SUGCT: variants seen among roughly 807,000 people sequenced by gnomAD.
SUGCT encodes succinyl-CoA:glutarate CoA-transferase.
In SUGCT, 41 loss-of-function variants were observed where a neutral mutation model predicts 55.0. The observed-to-expected ratio is 0.74, with a 90% confidence interval of 0.58 to 0.97. The LOEUF is 0.97. Among genes scored for constraint, SUGCT ranks in the 50% least tolerant of loss-of-function variants. SUGCT has a pLI of 0.00. For missense variants in SUGCT, 568 were observed against 547.8 expected, an observed-to-expected ratio of 1.04 and a Z score of -0.37; for synonymous variants, 187 against 200.4, an observed-to-expected ratio of 0.93 and a Z score of 0.56.
intron 13 of SUGCT, among the ~76,000 whole-genome samples, chr7:40,826,416 G>T (rs1792314311): frequency 1.3e-5 from 2 of 152,138 alleles, no homozygotes; most frequent in African/African-American, 4.8e-5. Context: ...GGTAACTAGG[G>T]AATATCCACA....
intron 12 of SUGCT, among the ~76,000 whole-genome samples, chr7:40,512,682 CTGGAAAATG>C (rs988188408): frequency 5.0e-4 from 76 of 151,652 alleles, no homozygotes; most frequent in Middle Eastern, 3.4e-3. Flanking sequence ...AAGATGTTTG[CTGGAAAATG>C]TGGAAAATGT....
At position 40,526,278 on chromosome 7, in the gene SUGCT, A is replaced by G. The variant is rs560313589; in HGVS notation, c.1089+29892A>G. ...TTGACTTGGTATATATAGGGTTGCC[A>G]TAAGGATTAAGTAGGAGAATATAAG... On this transcript the variant is annotated intron_variant, in intron 12 of 13. Coordinates refer to ENST00000335693, the MANE Select transcript of SUGCT (RefSeq NM_001193313.2). 3.3e-5 allele frequency among the ~76,000 whole-genome samples: 5 copies of G among 152,258 alleles called. No homozygotes were observed. The East Asian group carries it at 7.7e-4, about 24-fold the overall frequency.
intron 7 of SUGCT, among the ~76,000 whole-genome samples, chr7:40,241,932 A>AC (rs1265014359): frequency 1.3e-5 from 2 of 151,432 alleles, no homozygotes; most frequent in African/African-American, 2.4e-5. Context: ...AAAAAAAAAA[A>AC]AAACCGTCTT....
At chr7:40,704,215 C>G (rs760568177) in intron 12 of SUGCT, among the ~76,000 whole-genome samples, 5 of 152,188 alleles carry the variant, frequency 3.3e-5, no homozygotes, top group Non-Finnish European at 5.9e-5. Flanking sequence ...GGAACTATTA[C>G]TTGCTGGCTG....
At chr7:40,358,333 C>T (rs902607750) in intron 9 of SUGCT, among the ~76,000 whole-genome samples, 52 of 152,096 alleles carry the variant, frequency 3.4e-4, no homozygotes, top group African/African-American at 1.2e-3. Context: ...TTTTGCGTAA[C>T]TAAGATGTGA....
chr7:40,163,696 C>T (rs927352947), intron 1 of SUGCT, among the ~76,000 whole-genome samples: 1 of 152,040 alleles, frequency 6.6e-6, no homozygotes, highest in Non-Finnish European at 1.5e-5. Flanking sequence ...TGCAGCCACC[C>T]ACTTGTCTAT....
chr7:40,666,419 GTTTTTTT>G (rs70990637), intron 12 of SUGCT, among the ~76,000 whole-genome samples: 2 of 72,234 alleles, frequency 2.8e-5, no homozygotes, highest in African/African-American at 7.0e-5. Context: ...TTATAGGTTA[GTTTTTTT>G]TTTTTTTTTT....
intron 12 of SUGCT, among the ~76,000 whole-genome samples, chr7:40,575,670 G>A (rs1438042003): frequency 1.3e-5 from 2 of 152,170 alleles, no homozygotes; most frequent in African/African-American, 4.8e-5. Context: ...CTGAGGCTGG[G>A]TGTGGTGGCT....
At chr7:40,954,401 G>A in the SUGCT span, among the ~76,000 whole-genome samples, 10 of 152,284 alleles carry the variant, frequency 6.6e-5, no homozygotes, top group South Asian at 6.2e-4. Flanking sequence ...TGCACTTCCC[G>A]GGTGAGGCGA....
At chr7:40,902,014 A>G in the SUGCT span, among the ~76,000 whole-genome samples, 1 of 152,166 alleles carries the variant, frequency 6.6e-6, no homozygotes. Flanking sequence ...TTCATGCCCC[A>G]CTGGAAGTTA....
chr7:40,445,624 G>A (rs973993758), intron 9 of SUGCT, among the ~76,000 whole-genome samples: 5 of 152,044 alleles, frequency 3.3e-5, no homozygotes, highest in Non-Finnish European at 5.9e-5. Context: ...TGAAAAAGAG[G>A]GAATCCTCCC....
intron 13 of SUGCT, among the ~76,000 whole-genome samples, chr7:40,798,275 G>A (rs1008909824): frequency 6.6e-6 from 1 of 152,134 alleles, no homozygotes; most frequent in African/African-American, 2.4e-5. Flanking sequence ...TTCAATAAAT[G>A]TACTTGTTGA....
intron 9 of SUGCT, among the ~76,000 whole-genome samples, chr7:40,334,485 C>G (rs1304865673): frequency 1.3e-5 from 2 of 152,164 alleles, no homozygotes; most frequent in Non-Finnish European, 2.9e-5. Flanking sequence ...TTTTGATTTG[C>G]ATTTCTCTGA....
intron 12 of SUGCT, among the ~76,000 whole-genome samples, chr7:40,713,137 G>A (rs568755767): frequency 6.6e-6 from 1 of 152,304 alleles, no homozygotes; most frequent in Admixed American, 6.5e-5. Flanking sequence ...CCAGTTACCT[G>A]TCAGGAAAGG....
chr7:40,244,743 G>A (rs1212498485), intron 7 of SUGCT, among the ~76,000 whole-genome samples: 1 of 151,976 alleles, frequency 6.6e-6, no homozygotes, highest in African/African-American at 2.4e-5. Context: ...TTTATTTTTC[G>A]AAGAGGTAAT....
chr7:40,261,209 ATTG>A (rs772465833), intron 7 of SUGCT, among the ~76,000 whole-genome samples: 2 of 152,282 alleles, frequency 1.3e-5, no homozygotes, highest in East Asian at 1.9e-4. Flanking sequence ...TAGAGCAGTT[ATTG>A]TTATTATTCA....
intron 6 of SUGCT, among the ~76,000 whole-genome samples, chr7:40,218,445 C>T (rs1030454164): frequency 2.0e-5 from 3 of 152,144 alleles, no homozygotes; most frequent in Admixed American, 6.6e-5. Flanking sequence ...GACATTGTCT[C>T]TTTGGGACGT....
rs527930327 is a variant in SUGCT, at chr7:40,393,513, GTGGATGATAAAGGGAGAAGA to G, written c.817-55772_817-55753del. Among the ~76,000 whole-genome samples, 664 of 152,216 alleles carry G rather than the reference GTGGATGATAAAGGGAGAAGA, an allele frequency of 4.4e-3. 6 individuals carry two copies. The highest frequency in any genetic ancestry group is 0.015 in the African/African-American group (619 of 41,522). On this transcript the variant is annotated intron_variant, in intron 9 of 13. Transcript: ENST00000335693. Reference sequence around the variant, plus strand: ...AGTAGGGAATCCTTTTTCATGTATTGTGGATGATAAAGGGAGAAGATTAAGAGGTAGCTACAGATGGAGTT... The same window carrying G: ...AGTAGGGAATCCTTTTTCATGTATTGTTAAGAGGTAGCTACAGATGGAGTT...
At chr7:40,871,683 G>A in the SUGCT span, among the ~76,000 whole-genome samples, 2 of 64,314 alleles carry the variant, frequency 3.1e-5, no homozygotes, top group Non-Finnish European at 5.9e-5. Flanking sequence ...CCCCCACCCC[G>A]CCAGTGAGCC....
Sources: gnomAD v4.1 joint callset for allele counts (sites outside exome capture counted in the v4.1 genomes callset) on GRCh38, gnomAD v4.1.1 for gene constraint, MANE v1.5 for transcripts, NCBI Gene and HGNC (gene_info 2026-07-23, HGNC 2026-07-21) for gene names.